Variants in PRCP observed in about 807,000 individuals in gnomAD.
The protein encoded by PRCP is lysosomal Pro-X carboxypeptidase.
A neutral mutation model predicts 54.2 loss-of-function variants in PRCP; 46 were observed. The observed-to-expected ratio is 0.85, with a 90% CI of 0.67 to 1.09. The LOEUF (loss-of-function observed/expected upper bound fraction) is 1.09. Among genes scored for constraint, PRCP ranks in the 50% least tolerant of loss-of-function variants. The pLI is 0.00. For synonymous variants in PRCP, 240 were observed against 212.2 expected, an observed-to-expected ratio of 1.13 and a Z score of -1.14; for missense variants, 613 against 596.8, an observed-to-expected ratio of 1.03 and a Z score of -0.28.
chr11:82,858,943 T>C (rs1859150815), intron 2 of PRCP, among the ~76,000 whole-genome samples: 1 of 152,202 alleles, frequency 6.6e-6, no homozygotes, highest in African/African-American at 2.4e-5. Flanking sequence ...TAATCAGAAA[T>C]GAGAAATGCA....
intron 1 of PRCP, among the ~76,000 whole-genome samples, chr11:82,890,457 A>C (rs1365495251): frequency 6.6e-6 from 1 of 152,030 alleles, no homozygotes; most frequent in East Asian, 1.9e-4. Flanking sequence ...ATTAGATCCC[A>C]TTTCCTCTTG....
At chr11:82,892,749 G>A (rs563511475) in intron 1 of PRCP, among the ~76,000 whole-genome samples, 12 of 152,224 alleles carry the variant, frequency 7.9e-5, no homozygotes, top group Non-Finnish European at 1.5e-4. Flanking sequence ...CTCACTTCAG[G>A]GCTATTTCTT....
chr11:82,852,222 C>G (rs1037695966), intron 3 of PRCP, among the ~76,000 whole-genome samples: 3 of 152,190 alleles, frequency 2.0e-5, no homozygotes, highest in African/African-American at 7.2e-5. Context: ...CAACAAATAT[C>G]AGCAAATCAT....
intron 3 of PRCP, among the ~76,000 whole-genome samples, chr11:82,852,567 G>A (rs547479935): frequency 1.3e-5 from 2 of 152,304 alleles, no homozygotes; most frequent in African/African-American, 4.8e-5. Context: ...GTAAATAATA[G>A]TACACGTGGC....
chr11:82,871,819 A>G (rs1447490366), intron 1 of PRCP, among the ~76,000 whole-genome samples: 1 of 152,208 alleles, frequency 6.6e-6, no homozygotes, highest in African/African-American at 2.4e-5. Context: ...CTCACACTGG[A>G]TTAATTAACA....
At chr11:82,848,939 C>T in intron 6 of PRCP, 110 bp downstream of exon 6, 2 of 1,134,652 alleles carry the variant, frequency 1.8e-6, no homozygotes, top group Non-Finnish European at 2.5e-6. Context: ...GTTTGACAAA[C>T]TCTGGAGCCC....
chr11:82,865,387 A>G (rs977319066), intron 1 of PRCP, among the ~76,000 whole-genome samples: 1 of 152,236 alleles, frequency 6.6e-6, no homozygotes, highest in Admixed American at 6.5e-5. Flanking sequence ...TAACAGTTAC[A>G]TTGCAGAATA....
At chr11:82,875,346 C>G (rs886683894) in intron 1 of PRCP, among the ~76,000 whole-genome samples, 2 of 152,204 alleles carry the variant, frequency 1.3e-5, no homozygotes, top group Admixed American at 1.3e-4. Context: ...TGACCTCACC[C>G]GAACTTAGAC....
chr11:82,880,948 C>A (rs1243929732), intron 1 of PRCP, among the ~76,000 whole-genome samples: 2 of 152,102 alleles, frequency 1.3e-5, no homozygotes, highest in African/African-American at 4.8e-5. Flanking sequence ...CATCTTCCTA[C>A]AATAGGAAGT....
At chr11:82,828,881 G>T (rs1858307601) in intron 8 of PRCP, 1 of 152,198 alleles carries the variant, frequency 6.6e-6, no homozygotes, top group Non-Finnish European at 1.5e-5. Context: ...ATCTCTGTCA[G>T]TGGGAAGTCT....
Position 82,888,291 on chromosome 11 carries a change from C to G in PRCP, c.168+11944G>C, listed in dbSNP as rs144776154. On this transcript the variant is annotated intron_variant, in intron 1 of 8. Coordinates refer to ENST00000313010, the MANE Select transcript of PRCP (RefSeq NM_005040.4). ...TGGTCAATCTGCACCATATGAGCAGCAGGAAAGACAGCATCATGGGCTTGA... is the reference window on the plus strand; with the variant it reads ...TGGTCAATCTGCACCATATGAGCAGGAGGAAAGACAGCATCATGGGCTTGA... Among the ~76,000 whole-genome samples, 33 of 152,306 alleles carry G rather than the reference C, an allele frequency of 2.2e-4. No homozygotes were observed. The East Asian group carries it at 3.9e-3, about 18-fold the overall frequency.
upstream of PRCP, chr11:82,901,504 G>C (rs1368011213): frequency 6.4e-6 from 1 of 156,122 alleles, no homozygotes; most frequent in African/African-American, 2.4e-5. Context: ...ACTTTCCCGG[G>C]AACCCTACGC....
intron 1 of PRCP, among the ~76,000 whole-genome samples, chr11:82,863,530 G>A (rs1200900645): frequency 6.6e-6 from 1 of 152,174 alleles, no homozygotes; most frequent in African/African-American, 2.4e-5. Flanking sequence ...GATTCTTGAA[G>A]ATAATTTTGC....
Position 82,839,281 on chromosome 11 carries a change from T to G in PRCP, c.1066A>C (p.Thr356Pro), listed in dbSNP as rs780548247. ...TTTACCTGATAGCTCCAACCCAGTG[T>G]TCCCAGACTGCTAGTTGCTGTCTCT... ...ISETATSSLG[T>P]LGWSYQACTE... The change falls in exon 7 of 9, where the codon ACA becomes CCA. Residue 356 changes from threonine to proline, a missense_variant. Transcript: ENST00000313010. 1.9e-6 allele frequency: 3 copies of G among 1,613,862 alleles called. No homozygotes were observed. Among genetic ancestry groups the G allele is most frequent in the South Asian group, 2.2e-5 (2 of 90,954 alleles).
At chr11:82,826,374 G>C (rs1425354379) in intron 8 of PRCP, 5 of 152,106 alleles carry the variant, frequency 3.3e-5, no homozygotes, top group Non-Finnish European at 1.5e-5. Context: ...TTCATCATTT[G>C]ATGCACGTTT....
At chr11:82,883,609 C>T (rs1433991252) in intron 1 of PRCP, among the ~76,000 whole-genome samples, 1 of 152,066 alleles carries the variant, frequency 6.6e-6, no homozygotes, top group Non-Finnish European at 1.5e-5. Context: ...CAAGATATCC[C>T]GGAAGGCAGG....
At chr11:82,845,592 A>G (rs951700595) in intron 6 of PRCP, 1 of 152,170 alleles carries the variant, frequency 6.6e-6, no homozygotes, top group African/African-American at 2.4e-5. Context: ...CGCTTAAACC[A>G]CCCAGAGAGG....
chr11:82,838,457 G>T lies in PRCP; in HGVS notation c.1204C>A (p.Pro402Thr), dbSNP rs748995117. 6.2e-7 allele frequency: 1 copy of T among 1,614,040 alleles called. No individual in the cohort carries two copies. The highest frequency in any genetic ancestry group is 8.5e-7 in the Non-Finnish European group (1 of 1,179,950). ...ATAGTAGTGATCCAGGAGGGCCTTG[G>T]TCTCACACCCCACTGTTGAAAACAG... ...DDCFQQWGVR[P>T]RPSWITTMYG... The change falls in exon 8 of 9, where the codon CCA becomes ACA. Residue 402 changes from proline to threonine, a missense_variant. By Grantham distance (38) the Pro-to-Thr change is conservative (BLOSUM62 -1). Transcript: ENST00000313010.
chr11:82,849,010 G>A lies in PRCP; in HGVS notation c.921+39C>T, dbSNP rs371583069. On this transcript the variant is annotated intron_variant, in intron 6 of 8. Transcript: ENST00000313010. ...AGAGTATGCACATTAAAAAAAAAGT[G>A]TGTTATTAAAAAATGATGACAGGAC... The A allele has an allele frequency of 2.0e-4, 321 of 1,579,878 alleles. 1 individual carries two copies. The highest frequency in any genetic ancestry group is 8.4e-4 in the Middle Eastern group (5 of 5,938).
Sources: allele counts gnomAD v4.1 joint callset (sites outside exome capture counted in the v4.1 genomes callset), GRCh38; gene constraint gnomAD v4.1.1; transcripts MANE v1.5; gene names NCBI Gene and HGNC (gene_info 2026-07-23, HGNC 2026-07-21).